IGLL5: variants seen among roughly 807,000 people sequenced by gnomAD.
IGLL5 encodes the protein immunoglobulin lambda-like polypeptide 5.
IGLL5 carries 30 observed loss-of-function variants against 20.9 expected under a neutral mutation model. The ratio of observed to expected loss-of-function variants is 1.44; its 90% CI spans 1.07 to 1.95. IGLL5 has a LOEUF of 1.95. Among genes scored for constraint, IGLL5 ranks in the 30% most tolerant of loss-of-function variants. IGLL5 has a pLI of 0.00. For missense variants in IGLL5, 475 were observed against 270.7 expected, an observed-to-expected ratio of 1.75 and a Z score of -5.30; for synonymous variants, 203 against 117.3, an observed-to-expected ratio of 1.73 and a Z score of -4.72.
chr22:22,890,192 G>C (rs1601611506), intron 1 of IGLL5, among the ~76,000 whole-genome samples: 2 of 148,540 alleles, frequency 1.3e-5, no homozygotes, highest in South Asian at 2.2e-4. Context: ...AAGCAGAGAA[G>C]TATATAAAGT....
intron 2 of IGLL5, among the ~76,000 whole-genome samples, chr22:22,894,456 A>T (rs541039726): frequency 6.6e-6 from 1 of 151,498 alleles, no homozygotes. Flanking sequence ...CCCTCCCAGG[A>T]CAGTCACCAG....
Position 22,887,932 on chromosome 22 carries a change from G to C in IGLL5, c.-122G>C, listed in dbSNP as rs2067553768. On this transcript the variant is annotated 5_prime_UTR_variant, in exon 1 of 3. Transcript: ENST00000526893. ...AGGGACCAGAGCCAGTCCAGGGAGAGGACAGAGCCAATGGACTGGGGTGTA... is the reference window on the plus strand; with the variant it reads ...AGGGACCAGAGCCAGTCCAGGGAGACGACAGAGCCAATGGACTGGGGTGTA... The C allele has an allele frequency of 3.7e-6, 3 of 808,624 alleles. No individual in the cohort carries two copies. Among genetic ancestry groups the C allele is most frequent in the Admixed American group, 2.0e-5 (1 of 49,530 alleles). 50.1% of individuals were successfully genotyped at this position (808,624 alleles called of 1,614,324 possible).
intron 1 of IGLL5, among the ~76,000 whole-genome samples, 178 bp from the exon 2 acceptor site, chr22:22,893,522 A>G (rs1041827739): frequency 2.0e-5 from 3 of 151,076 alleles, no homozygotes; most frequent in Non-Finnish European, 4.4e-5. Flanking sequence ...TGTTGTCATC[A>G]GCACCGACAG....
chr22:22,888,169 T>G lies in IGLL5; in HGVS notation c.116T>G (p.Leu39Arg), dbSNP rs532234272. Residue 39 changes from leucine to arginine, a missense_variant, in exon 1 of 3, where the codon CTG (leucine) becomes CGG (arginine). By Grantham distance (102) the Leu-to-Arg change is moderately radical. Transcript: ENST00000526893. ...LGLAMVAHGL[L>R]RPMVAPQSGD... ...CTGGCCATGGTCGCCCATGGCCTGC[T>G]GCGCCCAATGGTTGCACCGCAAAGC... 3 of 1,549,142 alleles carry G rather than the reference T, an allele frequency of 1.9e-6. No individual in the cohort carries two copies. Among genetic ancestry groups the G allele is most frequent in the Non-Finnish European group, 1.7e-6 (2 of 1,146,626 alleles).
At chr22:22,888,777 G>C (rs2067645412) in intron 1 of IGLL5, among the ~76,000 whole-genome samples, 1 of 151,476 alleles carries the variant, frequency 6.6e-6, no homozygotes, top group African/African-American at 2.4e-5. Flanking sequence ...CAGGCTCAAG[G>C]ACACAGGGAG....
chr22:22,893,965 A>G (rs954544478), intron 2 of IGLL5, 147 bp downstream of exon 2: 38 of 689,908 alleles, frequency 5.5e-5, no homozygotes, highest in Admixed American at 1.1e-4. Flanking sequence ...GAGGAGGTGC[A>G]TTAGTCTCCG....
chr22:22,888,671 G>A (rs2067630160), intron 1 of IGLL5, among the ~76,000 whole-genome samples: 1 of 151,336 alleles, frequency 6.6e-6, no homozygotes, highest in South Asian at 2.1e-4. Flanking sequence ...GCCCAGTGAG[G>A]GCAGGGGCCA....
intron 1 of IGLL5, among the ~76,000 whole-genome samples, chr22:22,889,754 A>T (rs2067750007): frequency 1.3e-5 from 2 of 151,270 alleles, no homozygotes; most frequent in Admixed American, 6.6e-5. Flanking sequence ...CACCTGGCTA[A>T]TTTTGATTAG....
At chr22:22,893,414 C>T (rs1379923818) in intron 1 of IGLL5, among the ~76,000 whole-genome samples, 6 of 151,034 alleles carry the variant, frequency 4.0e-5, no homozygotes, top group African/African-American at 4.9e-5. Flanking sequence ...TGAGGCCAGA[C>T]GAGGTTGGAC....
chr22:22,894,063 C>A (rs551580542), intron 2 of IGLL5, among the ~76,000 whole-genome samples: 2 of 151,378 alleles, frequency 1.3e-5, no homozygotes, highest in Admixed American at 6.6e-5. Flanking sequence ...AGGGTCAGGG[C>A]TCCTCCTCTC....
At chr22:22,890,604 T>C (rs185129488) in intron 1 of IGLL5, among the ~76,000 whole-genome samples, 3 of 147,028 alleles carry the variant, frequency 2.0e-5, no homozygotes, top group Non-Finnish European at 3.0e-5. Context: ...TGTGTGTATG[T>C]GTACAAAGTG....
chr22:22,889,153 G>A (rs2067691768), intron 1 of IGLL5, among the ~76,000 whole-genome samples: 1 of 151,166 alleles, frequency 6.6e-6, no homozygotes, highest in South Asian at 2.1e-4. Context: ...CGCCCGATTA[G>A]AGGAGGGAGG....
At position 22,895,604 on chromosome 22, in the gene IGLL5, G is replaced by A. The variant is rs546419162; in HGVS notation, c.555G>A (p.Glu185=). The change falls in exon 3 of 3, where the codon GAG becomes GAA. Residue 185 remains glutamate, a synonymous_variant. Transcript: ENST00000526893. ...AASSYLSLTP[E]QWKSHRSYSC... ...GCAGCTACCTGAGCCTGACGCCCGA[G>A]CAGTGGAAGTCCCACAGAAGCTACA... 1 of 1,613,334 alleles carries A rather than the reference G, an allele frequency of 6.2e-7. No individual in the cohort carries two copies. The highest frequency in any genetic ancestry group is 8.5e-7 in the Non-Finnish European group (1 of 1,179,780).
At chr22:22,889,869 T>G (rs554199538) in intron 1 of IGLL5, among the ~76,000 whole-genome samples, 1 of 151,404 alleles carries the variant, frequency 6.6e-6, no homozygotes, top group East Asian at 2.0e-4. Flanking sequence ...GTGCTGGAAT[T>G]ACAGGCGTGA....
At chr22:22,888,639 C>T (rs1601602694) in intron 1 of IGLL5, among the ~76,000 whole-genome samples, 3 of 151,282 alleles carry the variant, frequency 2.0e-5, no homozygotes, top group Admixed American at 6.6e-5. Context: ...TCCCCCTCCT[C>T]CTCTCTGCCC....
At chr22:22,894,154 T>G (rs530693564) in intron 2 of IGLL5, among the ~76,000 whole-genome samples, 3 of 151,446 alleles carry the variant, frequency 2.0e-5, no homozygotes, top group African/African-American at 2.4e-5. Context: ...CATTGCCCAG[T>G]GACTCCTGGG....
At chr22:22,892,760 T>C (rs923259842) in intron 1 of IGLL5, among the ~76,000 whole-genome samples, 5 of 150,516 alleles carry the variant, frequency 3.3e-5, no homozygotes, top group Admixed American at 6.7e-5. Flanking sequence ...CAGTTGTGAG[T>C]GTGCACAATG....
chr22:22,893,932 C>CTTGTTGGAAAATCTG, intron 2 of IGLL5, 114 bp downstream of exon 2: 1 of 790,486 alleles, frequency 1.3e-6, no homozygotes, highest in Non-Finnish European at 2.2e-6. Context: ...AGCACTGACC[C>CTTGTTGGAAAATCTG]TTACCTTTCT....
chr22:22,890,537 A>C (rs571532009), intron 1 of IGLL5, among the ~76,000 whole-genome samples: 50 of 139,266 alleles, frequency 3.6e-4, no homozygotes, highest in Admixed American at 9.4e-4. Context: ...ATGACAAATG[A>C]TGCTGCAGTG....
Sources: allele counts gnomAD v4.1 joint callset (sites outside exome capture counted in the v4.1 genomes callset), GRCh38; gene constraint gnomAD v4.1.1; transcripts MANE v1.5; gene names NCBI Gene and HGNC (gene_info 2026-07-23, HGNC 2026-07-21).